Variants in FAM114A1 observed in about 807,000 individuals in gnomAD.
FAM114A1 encodes the protein family with sequence similarity 114 member A1.
In FAM114A1, 62 loss-of-function variants were observed where a neutral mutation model predicts 64.3. The observed-to-expected ratio is 0.96, with a 90% CI of 0.79 to 1.19. The LOEUF is 1.19. FAM114A1 is among the 50% of genes most tolerant of loss of function. The pLI, the probability that FAM114A1 is intolerant of heterozygous loss-of-function variation, is 0.00. For synonymous variants in FAM114A1, 254 were observed against 251.1 expected, an observed-to-expected ratio of 1.01 and a Z score of -0.11; for missense variants, 645 against 676.3, an observed-to-expected ratio of 0.95 and a Z score of 0.51.
intron 3 of FAM114A1, among the ~76,000 whole-genome samples, chr4:38,891,061 GCA>G (rs1716319042): frequency 6.6e-6 from 1 of 152,148 alleles, no homozygotes; most frequent in Admixed American, 6.5e-5. Context: ...TTCTGTTCAT[GCA>G]CACAGTTCAC....
At chr4:38,906,290 C>T (rs1313724335) in intron 6 of FAM114A1, among the ~76,000 whole-genome samples, 1 of 152,118 alleles carries the variant, frequency 6.6e-6, no homozygotes, top group Non-Finnish European at 1.5e-5. Flanking sequence ...GGAAAAACAG[C>T]CCAAATATGT....
chr4:38,913,884 G>A (rs1718791599), intron 7 of FAM114A1, among the ~76,000 whole-genome samples: 1 of 151,840 alleles, frequency 6.6e-6, no homozygotes, highest in Non-Finnish European at 1.5e-5. Flanking sequence ...GATCACCTGA[G>A]GTCAGGAGTT....
chr4:38,927,806 C>A (rs965750835), intron 9 of FAM114A1, among the ~76,000 whole-genome samples: 1 of 152,188 alleles, frequency 6.6e-6, no homozygotes, highest in Non-Finnish European at 1.5e-5. Flanking sequence ...GCCTCAGCCT[C>A]CCAAGTAGCT....
chr4:38,903,183 A>G (rs1005162720), intron 4 of FAM114A1, among the ~76,000 whole-genome samples: 31 of 152,326 alleles, frequency 2.0e-4, no homozygotes, highest in African/African-American at 6.3e-4. Flanking sequence ...TCCCATTTAC[A>G]TGCACATAAA....
rs530111557 is a variant in FAM114A1, at chr4:38,882,614, A to T, written c.348+4188A>T. 1.1e-4 allele frequency among the ~76,000 whole-genome samples: 17 copies of T among 152,268 alleles called. No homozygotes were observed. The South Asian group carries it at 3.5e-3, about 32-fold the overall frequency. The stretch of plus-strand genomic sequence containing the variant: ...ATTGCACTCCAGCCTGGGCAACAAG[A>T]GTGAAACTCCATCTCAAAAAAAAAA... On this transcript the variant is annotated intron_variant, in intron 3 of 14. Coordinates refer to ENST00000358869, the MANE Select transcript of FAM114A1 (RefSeq NM_138389.4).
intron 8 of FAM114A1, among the ~76,000 whole-genome samples, chr4:38,920,332 G>A (rs934724633): frequency 6.6e-6 from 1 of 152,120 alleles, no homozygotes; most frequent in Admixed American, 6.5e-5. Flanking sequence ...TTATAAGACA[G>A]CCTCTCTACC....
At chr4:38,926,214 C>G (rs1720075067) in intron 9 of FAM114A1, among the ~76,000 whole-genome samples, 1 of 152,218 alleles carries the variant, frequency 6.6e-6, no homozygotes, top group Non-Finnish European at 1.5e-5. Flanking sequence ...GATGCAGGAG[C>G]TGGGTAGAAT....
intron 8 of FAM114A1, among the ~76,000 whole-genome samples, chr4:38,921,441 TA>T (rs1307559875): frequency 3.3e-5 from 5 of 152,050 alleles, no homozygotes; most frequent in African/African-American, 1.2e-4. Flanking sequence ...TAAAATTTTT[TA>T]TAGAGATGGG....
At chr4:38,869,181 G>C (rs1375542882) in intron 2 of FAM114A1, among the ~76,000 whole-genome samples, 1 of 152,176 alleles carries the variant, frequency 6.6e-6, no homozygotes, top group Non-Finnish European at 1.5e-5. Flanking sequence ...GGACAGAATG[G>C]CAGAAGTAAA....
intron 7 of FAM114A1, among the ~76,000 whole-genome samples, chr4:38,914,312 C>T (rs570276026): frequency 1.4e-4 from 22 of 152,124 alleles, no homozygotes; most frequent in Non-Finnish European, 2.4e-4. Flanking sequence ...CACCTGCAAT[C>T]CCAGCATGTT....
chr4:38,930,456 C>T (rs1482031372), intron 10 of FAM114A1, among the ~76,000 whole-genome samples: 1 of 152,122 alleles, frequency 6.6e-6, no homozygotes, highest in African/African-American at 2.4e-5. Context: ...GAAGTTGCCT[C>T]ATTCATCTCC....
chr4:38,940,484 C>A (rs536361861), intron 13 of FAM114A1, among the ~76,000 whole-genome samples: 8 of 152,038 alleles, frequency 5.3e-5, no homozygotes, highest in African/African-American at 1.9e-4. Flanking sequence ...CAGAAAAAAA[C>A]CTCAGGAATC....
At chr4:38,904,327 A>G (rs1464927979) in intron 4 of FAM114A1, among the ~76,000 whole-genome samples, 1 of 152,232 alleles carries the variant, frequency 6.6e-6, no homozygotes, top group East Asian at 1.9e-4. Context: ...GCTATAGCTC[A>G]TCGTGAAGGC....
intron 3 of FAM114A1, among the ~76,000 whole-genome samples, chr4:38,886,211 T>C (rs2109583255): frequency 6.8e-6 from 1 of 146,598 alleles, no homozygotes; most frequent in East Asian, 2.1e-4. Flanking sequence ...TCACTCTGCC[T>C]CCCAGGCTGG....
At chr4:38,889,952 T>A (rs1716164007) in intron 3 of FAM114A1, among the ~76,000 whole-genome samples, 1 of 152,198 alleles carries the variant, frequency 6.6e-6, no homozygotes, top group South Asian at 2.1e-4. Flanking sequence ...CTGCTTCAAT[T>A]TGAAGCTTCA....
At chr4:38,872,664 A>T (rs903337709) in intron 2 of FAM114A1, among the ~76,000 whole-genome samples, 2 of 152,208 alleles carry the variant, frequency 1.3e-5, no homozygotes, top group Admixed American at 1.3e-4. Flanking sequence ...ATAAATTAAG[A>T]CAGGGAAATC....
In FAM114A1 at chr4:38,905,403, A is replaced by ATT. The variant is rs1717892304; in HGVS notation, c.437-119_437-118insTT. 4 of 721,308 alleles carry ATT rather than the reference A, an allele frequency of 5.5e-6. No homozygotes were observed. In the African/African-American group the frequency reaches 7.3e-5, roughly 13 times the overall value. 44.7% of individuals were successfully genotyped at this position (721,308 alleles called of 1,614,324 possible). A position where few individuals can be genotyped will look rare whatever the true frequency, so the allele number is the denominator to read the frequency against. On this transcript the variant is annotated intron_variant, in intron 4 of 14. Coordinates refer to ENST00000358869, the MANE Select transcript of FAM114A1 (RefSeq NM_138389.4). ...GACAGAGCAAGACTCCATCTTTTAAAAAAAAAAAAAAAGAAAGATGTACTT... is the reference window on the plus strand; with the variant it reads ...GACAGAGCAAGACTCCATCTTTTAAATTAAAAAAAAAAAAGAAAGATGTACTT...
intron 7 of FAM114A1, among the ~76,000 whole-genome samples, chr4:38,910,216 G>A (rs1019618876): frequency 6.6e-6 from 1 of 151,478 alleles, no homozygotes; most frequent in Non-Finnish European, 1.5e-5. Flanking sequence ...TCTAGCCTGG[G>A]CAATAAAGCA....
intron 3 of FAM114A1, among the ~76,000 whole-genome samples, chr4:38,887,536 G>A (rs747265337): frequency 1.3e-5 from 2 of 152,080 alleles, no homozygotes; most frequent in African/African-American, 2.4e-5. Flanking sequence ...AATAATGTGC[G>A]GAAACTTGGG....
Sources: allele counts gnomAD v4.1 joint callset (sites outside exome capture counted in the v4.1 genomes callset), GRCh38; gene constraint gnomAD v4.1.1; transcripts MANE v1.5; gene names NCBI Gene and HGNC (gene_info 2026-07-23, HGNC 2026-07-21).